Variants in KIRREL3 observed in about 807,000 individuals in gnomAD.
KIRREL3 encodes kin of IRRE-like protein 3.
KIRREL3 carries 36 observed loss-of-function variants against 89.7 expected under a neutral mutation model. The ratio of observed to expected loss-of-function variants is 0.40; its 90% CI spans 0.31 to 0.53. KIRREL3 has a LOEUF of 0.53. Ranked by LOEUF, KIRREL3 falls within the 20% of genes least tolerant of loss-of-function variation. The pLI, the probability that KIRREL3 is intolerant of heterozygous loss-of-function variation, is 0.49. For synonymous variants in KIRREL3, 445 were observed against 441.4 expected (o/e 1.01, Z -0.10); for missense variants, 864 against 1,056.6 (o/e 0.82, Z 2.53).
At chr11:126,784,247 T>C (rs577436513) in intron 1 of KIRREL3, among the ~76,000 whole-genome samples, 65 of 152,362 alleles carry the variant, frequency 4.3e-4, no homozygotes, top group Non-Finnish European at 7.5e-4. Flanking sequence ...AATGTATCCA[T>C]ACTGGTTCAT....
At chr11:126,949,439 A>G (rs529877252) in intron 1 of KIRREL3, among the ~76,000 whole-genome samples, 2 of 152,330 alleles carry the variant, frequency 1.3e-5, no homozygotes, top group African/African-American at 4.8e-5. Flanking sequence ...TCTGATTCAT[A>G]GGCTTCTGGA....
Position 126,912,074 on chromosome 11 carries a change from T to A in KIRREL3, c.55+88381A>T, listed in dbSNP as rs540523939. 6.7e-6 allele frequency among the ~76,000 whole-genome samples: 1 copy of A among 149,302 alleles called. No homozygotes were observed. The highest frequency in any genetic ancestry group is 6.6e-5 in the Admixed American group (1 of 15,062). ...GCAGAGAAGCTGCCAGCCCACATACTCATGGAGAGCCCCAAATCGTCCTTC... is the reference window on the plus strand; with the variant it reads ...GCAGAGAAGCTGCCAGCCCACATACACATGGAGAGCCCCAAATCGTCCTTC... On this transcript the variant is annotated intron_variant, in intron 1 of 16. Coordinates refer to ENST00000525144, the MANE Select transcript of KIRREL3 (RefSeq NM_032531.4). The surrounding 1 kb of genome is among the most constrained non-coding windows in gnomAD (Gnocchi z 4.7).
rs1406076585 is a variant in KIRREL3 at position 126,587,587 on chromosome 11, A to C, written c.56-24675T>G. 1.3e-5 allele frequency among the ~76,000 whole-genome samples: 2 copies of C among 152,138 alleles called. No individual in the cohort carries two copies. Among genetic ancestry groups the C allele is most frequent in the Non-Finnish European group, 2.9e-5 (2 of 68,024 alleles). On this transcript the variant is annotated intron_variant, in intron 1 of 16. Transcript: ENST00000525144. The surrounding 1 kb of genome is among the most constrained non-coding windows in gnomAD (Gnocchi z 5.2). ...GGAGCCAGAAATGCACCCAAACTGAAAGAGGAGCACGCAGCACCAATCCCT... is the reference window on the plus strand; with the variant it reads ...GGAGCCAGAAATGCACCCAAACTGACAGAGGAGCACGCAGCACCAATCCCT...
rs893881447 is a variant in KIRREL3, at chr11:126,981,199, G to T, written c.55+19256C>A. ...TGGATTTTTAGACAAAAGAAGGAAA[G>T]CATGGCCCGTTGGACCACAGCAAGA... is the stretch of plus-strand genomic sequence containing the variant. On this transcript the variant is annotated intron_variant, in intron 1 of 16. Transcript: ENST00000525144. This position sits in a 1 kb window ranked among gnomAD's most constrained non-coding sequence, Gnocchi z 4.2. 6.6e-6 allele frequency among the ~76,000 whole-genome samples: 1 copy of T among 152,204 alleles called. No individual in the cohort carries two copies. Among genetic ancestry groups the T allele is most frequent in the African/African-American group, 2.4e-5 (1 of 41,446 alleles).
rs926153128 is a variant in KIRREL3 at position 126,584,701 on chromosome 11, G to C, written c.56-21789C>G. On this transcript the variant is annotated intron_variant, in intron 1 of 16. Transcript: ENST00000525144. ...ACTGGACTGAAGGTGAAGCAGGTGG[G>C]GTGTCGTTTAGATCTGGGGCAGAGC... 5.3e-5 allele frequency among the ~76,000 whole-genome samples: 8 copies of C among 152,114 alleles called. No homozygotes were observed. In the South Asian group the frequency reaches 1.7e-3, roughly 32 times the overall value.
At position 126,872,788 on chromosome 11, in the gene KIRREL3, C is replaced by G. The variant is rs1945150666; in HGVS notation, c.55+127667G>C. Among the ~76,000 whole-genome samples, 1 of 152,190 alleles carries G rather than the reference C, an allele frequency of 6.6e-6. No individual in the cohort carries two copies. The highest frequency in any genetic ancestry group is 2.1e-4 in the South Asian group (1 of 4,828). ...AAAGTAAATTAGATACTGATCAGCT[C>G]TCCATTTCCATAGTGTGTTGAATAA... On this transcript the variant is annotated intron_variant, in intron 1 of 16. Transcript: ENST00000525144. This position sits in a 1 kb window ranked among gnomAD's most constrained non-coding sequence, Gnocchi z 4.2.
intron 1 of KIRREL3, among the ~76,000 whole-genome samples, chr11:126,839,269 T>G (rs1439642739): frequency 6.6e-6 from 1 of 152,196 alleles, no homozygotes; most frequent in African/African-American, 2.4e-5. Flanking sequence ...GGCACCTGCC[T>G]TCAGAGAGCT....
rs747379424 is a variant in KIRREL3 at position 126,463,404 on chromosome 11, G to A, written c.592-97C>T. On this transcript the variant is annotated intron_variant, in intron 5 of 16. Transcript: ENST00000525144. This position sits in a 1 kb window ranked among gnomAD's most constrained non-coding sequence, Gnocchi z 5.9. ...AAACGAGCACCAGCTTAGACAGAAG[G>A]GGGAGCTGTGGATGGAGGGGTTCAG... 534 of 1,244,606 alleles carry A rather than the reference G, an allele frequency of 4.3e-4. 1 individual carries two copies. The highest frequency in any genetic ancestry group is 5.4e-4 in the Non-Finnish European group (484 of 891,066). The allele number at this position is 1,244,606 out of a possible 1,614,324, so 77.1% of individuals were successfully genotyped here.
At position 126,967,570 on chromosome 11, in the gene KIRREL3, T is replaced by C. The variant is rs535975187; in HGVS notation, c.55+32885A>G. ...CAGTAACCCCGAGAAATGCCACCAC[T>C]GGACTTGTTACATCCATCTCAGAGA... On this transcript the variant is annotated intron_variant, in intron 1 of 16. Transcript: ENST00000525144. 5.3e-5 allele frequency among the ~76,000 whole-genome samples: 8 copies of C among 151,764 alleles called. No individual in the cohort carries two copies. In the East Asian group the frequency reaches 1.2e-3, roughly 22 times the overall value.
Position 126,651,977 on chromosome 11 carries a change from G to T in KIRREL3, c.56-89065C>A, listed in dbSNP as rs1197546359. On this transcript the variant is annotated intron_variant, in intron 1 of 16. Transcript: ENST00000525144. The surrounding 1 kb of genome is among the most constrained non-coding windows in gnomAD (Gnocchi z 4.6). ...TCTGAATTCAGATATTTAAATGATG[G>T]TAGGGTAAGTCATTATGCCAATGGG... Among the ~76,000 whole-genome samples the T allele has an allele frequency of 6.6e-6, 1 of 152,172 alleles. No individual in the cohort carries two copies. The highest frequency in any genetic ancestry group is 1.5e-5 in the Non-Finnish European group (1 of 68,038).
rs1949653434 is a variant in KIRREL3 at position 126,761,068 on chromosome 11, C to T, written c.56-198156G>A. On this transcript the variant is annotated intron_variant, in intron 1 of 16. Coordinates refer to ENST00000525144, the MANE Select transcript of KIRREL3 (RefSeq NM_032531.4). The surrounding 1 kb of genome is among the most constrained non-coding windows in gnomAD (Gnocchi z 4.4). ...CTCTATGCATTCTTTACTGCTGGAC[C>T]ATGGAGGATATATGGAATGGGTGTG... 6.6e-6 allele frequency among the ~76,000 whole-genome samples: 1 copy of T among 152,150 alleles called. No individual in the cohort carries two copies. The highest frequency in any genetic ancestry group is 2.1e-4 in the South Asian group (1 of 4,828).
rs185759134 is a variant in KIRREL3, at chr11:126,515,648, C to A, written c.433+5667G>T. On this transcript the variant is annotated intron_variant, in intron 4 of 16. Transcript: ENST00000525144. The surrounding 1 kb of genome is among the most constrained non-coding windows in gnomAD (Gnocchi z 4.2). ...AATGAGGGCCCAGAGGCTTGGTGAG[C>A]GGAAGGAGATGCCAGCTGCTTGTTA... Among the ~76,000 whole-genome samples, 1 of 152,072 alleles carries A rather than the reference C, an allele frequency of 6.6e-6. No individual in the cohort carries two copies. The highest frequency in any genetic ancestry group is 1.5e-5 in the Non-Finnish European group (1 of 68,024).
chr11:126,871,982 T>C (rs1417832185), intron 1 of KIRREL3, among the ~76,000 whole-genome samples: 1 of 152,208 alleles, frequency 6.6e-6, no homozygotes, highest in Non-Finnish European at 1.5e-5. Flanking sequence ...CACAGTTCCC[T>C]GGACTTTGTA....
chr11:126,933,210 C>A (rs1948029254), intron 1 of KIRREL3, among the ~76,000 whole-genome samples: 1 of 152,144 alleles, frequency 6.6e-6, no homozygotes, highest in Non-Finnish European at 1.5e-5. Flanking sequence ...AGGAGCTCAA[C>A]AATACTCCAT....
rs184581105 is a variant in KIRREL3 at position 126,883,100 on chromosome 11, G to C, written c.55+117355C>G. ...TCCTCGTTTAAGTGACAGCAGGTAG[G>C]GTTTGTTACTTTAATTCACTTTGCC... On this transcript the variant is annotated intron_variant, in intron 1 of 16. Coordinates refer to ENST00000525144, the MANE Select transcript of KIRREL3 (RefSeq NM_032531.4). The surrounding 1 kb of genome is among the most constrained non-coding windows in gnomAD (Gnocchi z 4.1). Among the ~76,000 whole-genome samples, 1 of 152,150 alleles carries C rather than the reference G, an allele frequency of 6.6e-6. No homozygotes were observed. The highest frequency in any genetic ancestry group is 1.5e-5 in the Non-Finnish European group (1 of 68,032).
chr11:126,864,279 G>T (rs1267940217), intron 1 of KIRREL3, among the ~76,000 whole-genome samples: 2 of 152,186 alleles, frequency 1.3e-5, no homozygotes, highest in Non-Finnish European at 2.9e-5. Flanking sequence ...TCCATCCCAG[G>T]ATCTCTGTCT....
rs752481340 is a variant in KIRREL3, at chr11:126,522,676, C to T, written c.284-1212G>A. Among the ~76,000 whole-genome samples the T allele has an allele frequency of 6.6e-6, 1 of 152,242 alleles. No homozygotes were observed. The highest frequency in any genetic ancestry group is 1.5e-5 in the Non-Finnish European group (1 of 68,050). The stretch of plus-strand genomic sequence containing the variant: ...GGCAGATCCTCTCTTTCCTGGGTCT[C>T]GGGCCCTACACCTCCCTATTTCTCT... On this transcript the variant is annotated intron_variant, in intron 3 of 16. Coordinates refer to ENST00000525144, the MANE Select transcript of KIRREL3 (RefSeq NM_032531.4). This position sits in a 1 kb window ranked among gnomAD's most constrained non-coding sequence, Gnocchi z 6.0.
At chr11:126,613,986 G>A (rs774964922) in intron 1 of KIRREL3, among the ~76,000 whole-genome samples, 3 of 142,602 alleles carry the variant, frequency 2.1e-5, no homozygotes, top group Non-Finnish European at 4.5e-5. Flanking sequence ...ACCTTAATTT[G>A]GTTTTAAGAA....
At chr11:126,595,771 T>G (rs1238983253) in intron 1 of KIRREL3, among the ~76,000 whole-genome samples, 4 of 152,164 alleles carry the variant, frequency 2.6e-5, no homozygotes, top group Non-Finnish European at 1.5e-5. Flanking sequence ...CAGCAAGAAC[T>G]GACAAGCCCT....
Sources: gnomAD v4.1 joint callset for allele counts (sites outside exome capture counted in the v4.1 genomes callset) on GRCh38, gnomAD v4.1.1 for gene constraint, Gnocchi (gnomAD v3.1) non-coding constraint, MANE v1.5 for transcripts, NCBI Gene and HGNC (gene_info 2026-07-23, HGNC 2026-07-21) for gene names.